Variants in CDCP1 observed in about 807,000 individuals in gnomAD.
CDCP1 encodes CUB domain-containing protein 1.
CDCP1 carries 29 observed loss-of-function variants against 60.2 expected under a neutral mutation model. That is an observed-to-expected ratio of 0.48 (90% CI 0.36 to 0.66). The LOEUF (loss-of-function observed/expected upper bound fraction) is 0.66. Among genes scored for constraint, CDCP1 ranks in the 30% least tolerant of loss-of-function variants. CDCP1 has a pLI of 0.00. For missense variants in CDCP1, 876 were observed against 1,074.3 expected (o/e 0.82, Z 2.58); for synonymous variants, 387 against 431.1 (o/e 0.90, Z 1.27).
In CDCP1 at chr3:45,108,757, G is replaced by GTA. The variant is rs1416989139; in HGVS notation, c.1024+1714_1024+1715dup. Among the ~76,000 whole-genome samples, 68 of 74,550 alleles carry GTA rather than the reference G, an allele frequency of 9.1e-4. 14 individuals are homozygous for GTA. Among genetic ancestry groups the GTA allele is most frequent in the African/African-American group, 3.6e-3 (65 of 18,276 alleles). 48.9% of individuals were successfully genotyped at this position (74,550 alleles called of 152,430 possible). A position where few individuals can be genotyped will look rare whatever the true frequency, so the allele number is the denominator to read the frequency against. The stretch of plus-strand genomic sequence containing the variant: ...TATGCATGTATACATATATATGCAT[G>GTA]TATATATATATATGCATGTATACAT... On this transcript the variant is annotated intron_variant, in intron 4 of 8. Coordinates refer to ENST00000296129, the MANE Select transcript of CDCP1 (RefSeq NM_022842.5).
chr3:45,126,157 T>TCTTC (rs1698989052), intron 1 of CDCP1, among the ~76,000 whole-genome samples: 2 of 144,988 alleles, frequency 1.4e-5, no homozygotes, highest in African/African-American at 5.2e-5. Flanking sequence ...TTTCTTTCTT[T>TCTTC]CTTTCTTTCT....
At chr3:45,126,182 CTCTCTCTCTCTCTTTCTTTCT>C (rs1698994692) in intron 1 of CDCP1, among the ~76,000 whole-genome samples, 1 of 102,720 alleles carries the variant, frequency 9.7e-6, no homozygotes, top group African/African-American at 4.1e-5. Flanking sequence ...TTCCTTCTTT[CTCTCTCTCTCTCTTTCTTTCT>C]TTCCTTCCTT....
At position 45,085,539 on chromosome 3, in the gene CDCP1, G is replaced by C; in HGVS notation, c.*99C>G. 7.9e-7 allele frequency: 1 copy of C among 1,272,098 alleles called. No individual in the cohort carries two copies. The highest frequency in any genetic ancestry group is 2.2e-5 in the Admixed American group (1 of 45,702). The allele number at this position is 1,272,098 out of a possible 1,614,324, so 78.8% of individuals were successfully genotyped here. On this transcript the variant is annotated 3_prime_UTR_variant, in exon 9 of 9. Transcript: ENST00000296129. This position sits in a 1 kb window ranked among gnomAD's most constrained non-coding sequence, Gnocchi z 4.2. ...AGGAAAACCTCCTGCTGTTCCTTCT[G>C]TATAATTCCTCTTCTTTAGGATTTC...
chr3:45,091,157 C>A lies in CDCP1; in HGVS notation c.1993+16G>T. ...TTTTGTTCATCACTGTCCCCAAAGA[C>A]CCTGAAGGCCCTTACCCACAGTCCT... On this transcript the variant is annotated intron_variant, in intron 7 of 8. Coordinates refer to ENST00000296129, the MANE Select transcript of CDCP1 (RefSeq NM_022842.5). This position sits in a 1 kb window ranked among gnomAD's most constrained non-coding sequence, Gnocchi z 4.8. 1 of 1,601,312 alleles carries A rather than the reference C, an allele frequency of 6.2e-7. No individual in the cohort carries two copies.
In CDCP1 at chr3:45,093,513, G is replaced by A; in HGVS notation, c.1391C>T (p.Ala464Val). Residue 464 changes from alanine to valine, a missense_variant, in exon 6 of 9, where the codon GCC becomes GTC. Transcript: ENST00000296129. Reference sequence around the variant, plus strand: ...GTGTGTATGCTGCTGCAGCTTCTGGGCTGGCACCAGCACCAGGCTGAGCCT... The same window carrying A: ...GTGTGTATGCTGCTGCAGCTTCTGGACTGGCACCAGCACCAGGCTGAGCCT... ...KDRLSLVLVP[A>V]QKLQQHTHEK... is the part of the protein sequence containing the mutation. The A allele has an allele frequency of 6.2e-7, 1 of 1,614,114 alleles. No individual in the cohort carries two copies. Among genetic ancestry groups the A allele is most frequent in the Non-Finnish European group, 8.5e-7 (1 of 1,179,946 alleles).
chr3:45,110,070 G>C (rs1698661111), intron 4 of CDCP1: 1 of 366,234 alleles, frequency 2.7e-6, no homozygotes, highest in Admixed American at 5.3e-5. Flanking sequence ...CCTAACACAA[G>C]ATGACATGCA....
intron 4 of CDCP1, among the ~76,000 whole-genome samples, chr3:45,098,602 C>T (rs890049574): frequency 6.6e-6 from 1 of 151,802 alleles, no homozygotes; most frequent in Non-Finnish European, 1.5e-5. Flanking sequence ...CCTCCACACC[C>T]CACACCCCCA....
intron 1 of CDCP1, among the ~76,000 whole-genome samples, chr3:45,138,680 C>T (rs1020744004): frequency 3.9e-5 from 6 of 152,204 alleles, no homozygotes; most frequent in African/African-American, 1.2e-4. Context: ...GAAACCTCGT[C>T]TCTACTAAAA....
chr3:45,117,078 T>A (rs550073703), intron 2 of CDCP1, among the ~76,000 whole-genome samples: 1 of 152,354 alleles, frequency 6.6e-6, no homozygotes, highest in African/African-American at 2.4e-5. Flanking sequence ...GTGTAGTTTT[T>A]AAAATTGATT....
intron 8 of CDCP1, among the ~76,000 whole-genome samples, chr3:45,088,011 A>T (rs1018920547): frequency 7.2e-6 from 1 of 139,408 alleles, no homozygotes; most frequent in East Asian, 2.3e-4. Flanking sequence ...ACAGAGTGAG[A>T]CTCTGTCTTA....
chr3:45,098,348 AT>A lies in CDCP1; in HGVS notation c.1025-2781del, dbSNP rs1378513185. On this transcript the variant is annotated intron_variant, in intron 4 of 8. Coordinates refer to ENST00000296129, the MANE Select transcript of CDCP1 (RefSeq NM_022842.5). Reference sequence around the variant, plus strand: ...TGAGTATCTGTGAAACAAAACAGCTATTTATATGTACAGATTTATGTATGCA... The same window carrying A: ...TGAGTATCTGTGAAACAAAACAGCTATTATATGTACAGATTTATGTATGCA... Among the ~76,000 whole-genome samples, 3 of 152,100 alleles carry A rather than the reference AT, an allele frequency of 2.0e-5. No individual in the cohort carries two copies. In the East Asian group the frequency reaches 5.8e-4, roughly 29 times the overall value.
intron 8 of CDCP1, among the ~76,000 whole-genome samples, chr3:45,087,585 G>A (rs1242679646): frequency 6.6e-6 from 1 of 152,160 alleles, no homozygotes; most frequent in East Asian, 1.9e-4. Flanking sequence ...TTTCCCCCAT[G>A]TGTTATAGGT....
chr3:45,097,504 G>GT (rs1238437986), intron 4 of CDCP1, among the ~76,000 whole-genome samples: 4 of 108,822 alleles, frequency 3.7e-5, no homozygotes, highest in Non-Finnish European at 7.7e-5. Context: ...TCATTCTTTT[G>GT]TTTAAAAAAA....
At chr3:45,133,975 G>A (rs1480708609) in intron 1 of CDCP1, among the ~76,000 whole-genome samples, 2 of 152,014 alleles carry the variant, frequency 1.3e-5, no homozygotes, top group African/African-American at 4.8e-5. Flanking sequence ...TGGTCTGAAG[G>A]ATGACCACCA....
intron 4 of CDCP1, among the ~76,000 whole-genome samples, chr3:45,107,680 G>A (rs62242537): frequency 0.081 from 12,317 of 152,224 alleles, 610 homozygotes; most frequent in Middle Eastern, 0.16. Context: ...GGGTCACAAA[G>A]AGGTGAAGTG....
intron 6 of CDCP1, among the ~76,000 whole-genome samples, chr3:45,093,032 GC>G (rs1334389139): frequency 6.6e-6 from 1 of 152,136 alleles, no homozygotes; most frequent in African/African-American, 2.4e-5. Context: ...TGTTTTTGCT[GC>G]CTACCAACCA....
Position 45,091,625 on chromosome 3 carries a change from C to G in CDCP1, c.1628-87G>C. ...GAGTGGTGGAGGAGACGAAGTCCAA[C>G]TGTCCAGACCAGCGCTGTCTAACCG... On this transcript the variant is annotated intron_variant, in intron 6 of 8. Transcript: ENST00000296129. The surrounding 1 kb of genome is among the most constrained non-coding windows in gnomAD (Gnocchi z 4.8). 2 of 1,445,858 alleles carry G rather than the reference C, an allele frequency of 1.4e-6. No homozygotes were observed. Among genetic ancestry groups the G allele is most frequent in the African/African-American group, 1.4e-5 (1 of 70,638 alleles). The allele number at this position is 1,445,858 out of a possible 1,614,324, so 89.6% of individuals were successfully genotyped here.
At chr3:45,145,934 G>A (rs887822184) in intron 1 of CDCP1, among the ~76,000 whole-genome samples, 7 of 151,992 alleles carry the variant, frequency 4.6e-5, no homozygotes, top group African/African-American at 1.7e-4. Flanking sequence ...CTCCCGGACC[G>A]GGAGGCTCCC....
intron 1 of CDCP1, among the ~76,000 whole-genome samples, chr3:45,120,096 T>A (rs1197708081): frequency 6.6e-6 from 1 of 152,224 alleles, no homozygotes; most frequent in African/African-American, 2.4e-5. Flanking sequence ...CTGAATGACA[T>A]CTGAGTCCTC....
Sources: gnomAD v4.1 joint callset for allele counts (sites outside exome capture counted in the v4.1 genomes callset) on GRCh38, gnomAD v4.1.1 for gene constraint, Gnocchi (gnomAD v3.1) non-coding constraint, MANE v1.5 for transcripts, NCBI Gene and HGNC (gene_info 2026-07-23, HGNC 2026-07-21) for gene names.